The following CDC42SE2 variants were observed in gnomAD, a reference collection of about 807,000 sequenced individuals.
CDC42SE2 encodes the protein CDC42 small effector 2, also known as CDC42 small effector protein 2.
In CDC42SE2, 3 loss-of-function variants were observed where a neutral mutation model predicts 11.5. The ratio of observed to expected loss-of-function variants is 0.26; its 90% CI spans 0.12 to 0.67. The LOEUF is 0.67. Ranked by LOEUF, CDC42SE2 falls within the 30% of genes least tolerant of loss-of-function variation. The pLI, the probability that CDC42SE2 is intolerant of heterozygous loss-of-function variation, is 0.80. For missense variants in CDC42SE2, 82 were observed against 106.8 expected, an observed-to-expected ratio of 0.77 and a Z score of 1.02; for synonymous variants, 33 against 34.8, an observed-to-expected ratio of 0.95 and a Z score of 0.18.
chr5:131,259,699 G>A (rs1467505834), upstream of CDC42SE2, among the ~76,000 whole-genome samples: 6 of 152,202 alleles, frequency 3.9e-5, no homozygotes, highest in Non-Finnish European at 8.8e-5. Context: ...GAGAATGAAA[G>A]AAGACACAAA....
At chr5:131,236,820 ATAAAC>A in the CDC42SE2 span, among the ~76,000 whole-genome samples, 1 of 152,204 alleles carries the variant, frequency 6.6e-6, no homozygotes, top group African/African-American at 2.4e-5. Flanking sequence ...GACCTTTACT[ATAAAC>A]TAAATTTCAA....
In CDC42SE2 at chr5:131,368,250, C is replaced by G. The variant is rs1749917503; in HGVS notation, c.54+8703C>G. On this transcript the variant is annotated intron_variant, in intron 3 of 4. Transcript: ENST00000505065. ...CCTGGGCAATAGAGTGAGACTCCATCTCAAAAAAAAAAAAAAAAAAAAAGA... is the reference window on the plus strand; with the variant it reads ...CCTGGGCAATAGAGTGAGACTCCATGTCAAAAAAAAAAAAAAAAAAAAAGA... Among the ~76,000 whole-genome samples, 3 of 115,742 alleles carry G rather than the reference C, an allele frequency of 2.6e-5. No individual in the cohort carries two copies. The South Asian group carries it at 7.8e-4, about 30-fold the overall frequency. The allele number at this position is 115,742 out of a possible 152,430, so 75.9% of individuals were successfully genotyped here.
At chr5:131,340,668 T>A (rs1184115464) in intron 2 of CDC42SE2, among the ~76,000 whole-genome samples, 6 of 145,378 alleles carry the variant, frequency 4.1e-5, no homozygotes, top group Admixed American at 4.1e-4. Context: ...CACATATTAC[T>A]GAAAAATTGT....
At chr5:131,268,479 T>C (rs1460282298) in intron 1 of CDC42SE2, among the ~76,000 whole-genome samples, 1 of 149,946 alleles carries the variant, frequency 6.7e-6, no homozygotes, top group African/African-American at 2.5e-5. Context: ...TGAGACGGAG[T>C]TTCACTCTTG....
At chr5:131,308,253 G>A (rs2149721602) in intron 1 of CDC42SE2, among the ~76,000 whole-genome samples, 1 of 152,156 alleles carries the variant, frequency 6.6e-6, no homozygotes, top group African/African-American at 2.4e-5. Flanking sequence ...TCAGATAGTT[G>A]TAGATATGCG....
rs1015219719 is a variant in CDC42SE2 at position 131,393,621 on chromosome 5, T to C, written c.*2530T>C. On this transcript the variant is annotated 3_prime_UTR_variant, in exon 5 of 5. Coordinates refer to ENST00000505065, the MANE Select transcript of CDC42SE2 (RefSeq NM_001375635.1). ...CTTGGCCAGGGACATTGCTATGTGC[T>C]GTGTGCAAGCTCTTTAGAAGAGAGA... 2.6e-5 allele frequency: 4 copies of C among 152,382 alleles called. No individual in the cohort carries two copies. The highest frequency in any genetic ancestry group is 9.7e-5 in the African/African-American group (4 of 41,450). The allele number at this position is 152,382 out of a possible 1,614,324, so 9.4% of individuals were successfully genotyped here.
chr5:131,350,697 G>A (rs1354296432), intron 2 of CDC42SE2, among the ~76,000 whole-genome samples: 2 of 151,162 alleles, frequency 1.3e-5, no homozygotes, highest in Admixed American at 6.6e-5. Context: ...TAGAATAAAT[G>A]CAGTCCCAAT....
intron 3 of CDC42SE2, among the ~76,000 whole-genome samples, chr5:131,366,572 T>G (rs745646074): frequency 1.3e-4 from 20 of 150,144 alleles, no homozygotes; most frequent in Admixed American, 3.3e-4. Context: ...TGTTTTTTTG[T>G]TTTTTTTACT....
chr5:131,220,028 C>T, the CDC42SE2 span, among the ~76,000 whole-genome samples: 1 of 152,098 alleles, frequency 6.6e-6, no homozygotes, highest in Non-Finnish European at 1.5e-5. Flanking sequence ...TGCTTGTAAT[C>T]ACTCTAATTC....
chr5:131,267,062 T>A (rs1756882987), intron 1 of CDC42SE2, among the ~76,000 whole-genome samples: 1 of 150,874 alleles, frequency 6.6e-6, no homozygotes, highest in South Asian at 2.1e-4. Context: ...ATAATTTTTT[T>A]TTTTTTTTTT....
At chr5:131,370,941 G>C (rs1301315594) in intron 3 of CDC42SE2, among the ~76,000 whole-genome samples, 1 of 152,088 alleles carries the variant, frequency 6.6e-6, no homozygotes, top group East Asian at 1.9e-4. Flanking sequence ...ATACAAATAG[G>C]AAAGAAAGGA....
intron 3 of CDC42SE2, among the ~76,000 whole-genome samples, chr5:131,364,088 A>G (rs1429835602): frequency 6.6e-6 from 1 of 152,220 alleles, no homozygotes; most frequent in East Asian, 1.9e-4. Flanking sequence ...TAGTGGTGAG[A>G]TAACAGTGAA....
intron 3 of CDC42SE2, 40 bp from the exon 4 acceptor site, chr5:131,385,503 T>C (rs1204385611): frequency 2.8e-6 from 4 of 1,426,240 alleles, no homozygotes; most frequent in Non-Finnish European, 3.9e-6. Context: ...AAGTTGCTCA[T>C]AAGATCACTT....
At chr5:131,375,245 A>G (rs1750119077) in intron 3 of CDC42SE2, among the ~76,000 whole-genome samples, 1 of 115,224 alleles carries the variant, frequency 8.7e-6, no homozygotes, top group South Asian at 2.4e-4. Flanking sequence ...GATTCTTTTT[A>G]AAAACATTTG....
intron 2 of CDC42SE2, among the ~76,000 whole-genome samples, chr5:131,325,358 T>G (rs941756930): frequency 1.3e-5 from 2 of 152,226 alleles, no homozygotes; most frequent in African/African-American, 4.8e-5. Flanking sequence ...GGTAGTTGAA[T>G]TTTTTAATTT....
At chr5:131,307,170 C>A (rs1426045470) in intron 1 of CDC42SE2, among the ~76,000 whole-genome samples, 2 of 151,266 alleles carry the variant, frequency 1.3e-5, no homozygotes, top group Non-Finnish European at 2.9e-5. Context: ...CACCCACTAA[C>A]TCGTCATCTA....
intron 3 of CDC42SE2, among the ~76,000 whole-genome samples, chr5:131,384,307 T>C (rs1206904960): frequency 6.6e-6 from 1 of 152,254 alleles, no homozygotes; most frequent in Non-Finnish European, 1.5e-5. Context: ...TGTGGTTTTG[T>C]AGAAAGTCAT....
At chr5:131,352,484 C>T (rs2149764351) in intron 2 of CDC42SE2, among the ~76,000 whole-genome samples, 1 of 152,184 alleles carries the variant, frequency 6.6e-6, no homozygotes, top group South Asian at 2.1e-4. Flanking sequence ...ATAGGAAAGT[C>T]TAATCTGTAA....
At chr5:131,240,882 G>A (rs536583834), upstream of CDC42SE2, among the ~76,000 whole-genome samples, 3 of 152,290 alleles carry the variant, frequency 2.0e-5, no homozygotes, top group South Asian at 4.1e-4. Context: ...AGTGTTTATC[G>A]ATGATACATT....
Sources: allele counts gnomAD v4.1 joint callset (sites outside exome capture counted in the v4.1 genomes callset), GRCh38; gene constraint gnomAD v4.1.1; transcripts MANE v1.5; gene names NCBI Gene and HGNC (gene_info 2026-07-23, HGNC 2026-07-21).